Variants in NEBL observed in about 807,000 individuals in gnomAD.
The protein encoded by NEBL is nebulette, also known as LIM and SH3 protein 2.
A neutral mutation model predicts 140.2 loss-of-function variants in NEBL; 122 were observed. The observed-to-expected ratio is 0.87, with a 90% CI of 0.75 to 1.01. NEBL has a LOEUF of 1.01. Ranked by LOEUF, NEBL falls within the 50% of genes least tolerant of loss-of-function variation. The pLI, the probability that NEBL is intolerant of heterozygous loss-of-function variation, is 0.00. For missense variants in NEBL, 1,365 were observed against 1,231.3 expected, an observed-to-expected ratio of 1.11 and a Z score of -1.62; for synonymous variants, 436 against 398.9, an observed-to-expected ratio of 1.09 and a Z score of -1.11.
At chr10:20,991,336 T>G (rs893215117) in intron 3 of NEBL, among the ~76,000 whole-genome samples, 4 of 152,168 alleles carry the variant, frequency 2.6e-5, no homozygotes, top group African/African-American at 4.8e-5. Context: ...GTTCTAAAGT[T>G]TGAAAATTTT....
chr10:21,253,289 G>A (rs1353734319), intron 1 of NEBL, among the ~76,000 whole-genome samples: 6 of 152,084 alleles, frequency 3.9e-5, no homozygotes, highest in African/African-American at 1.2e-4. Context: ...ATAATAATAA[G>A]GCAGAAGCCA....
intron 3 of NEBL, among the ~76,000 whole-genome samples, chr10:21,015,883 A>T (rs988182652): frequency 6.6e-6 from 1 of 152,204 alleles, no homozygotes; most frequent in African/African-American, 2.4e-5. Context: ...CTAATTTACA[A>T]AGAGTTTGTG....
At chr10:20,828,686 G>A (rs1431690960) in intron 16 of NEBL, 52 bp from the exon 17 acceptor site, 1 of 1,209,452 alleles carries the variant, frequency 8.3e-7, no homozygotes, top group Non-Finnish European at 1.2e-6. Flanking sequence ...GTGCGCACAT[G>A]TGAGAGGGAG....
chr10:21,156,800 C>T (rs753100776), intron 2 of NEBL, among the ~76,000 whole-genome samples: 13 of 152,016 alleles, frequency 8.6e-5, no homozygotes, highest in Non-Finnish European at 1.6e-4. Context: ...AATCCTAAAT[C>T]GTAGGAATAT....
exon 3 of NEBL, chr10:21,020,163 G>A: frequency 1.9e-6 from 3 of 1,614,138 alleles, no homozygotes; most frequent in Non-Finnish European, 2.5e-6. Context: ...ATTTTCAGGT[G>A]TATCTGCCAC....
At chr10:21,271,344 GAAGT>G (rs1276843816) in intron 1 of NEBL, among the ~76,000 whole-genome samples, 1 of 152,126 alleles carries the variant, frequency 6.6e-6, no homozygotes, top group Non-Finnish European at 1.5e-5. Flanking sequence ...TGAACTCCTG[GAAGT>G]AGAGAGTAGA....
chr10:20,899,910 C>G (rs1588977998), upstream of NEBL, among the ~76,000 whole-genome samples: 2 of 152,006 alleles, frequency 1.3e-5, no homozygotes, highest in Non-Finnish European at 2.9e-5. Context: ...ATCTTTTTTC[C>G]TCTCACCTAT....
chr10:21,260,496 A>C lies in NEBL; in HGVS notation n.183-8668T>G, dbSNP rs545237083. ...TCTTTTTGCCTTGCCTTTAAAATAG[A>C]TCTGCTCTAGGATGCTGAGTTATAA... On this transcript the variant is annotated intron_variant and non_coding_transcript_variant, in intron 1 of 8. Transcript: ENST00000675702. Among the ~76,000 whole-genome samples the C allele has an allele frequency of 2.0e-5, 3 of 152,308 alleles. No homozygotes were observed. The East Asian group carries it at 5.8e-4, about 29-fold the overall frequency.
intron 3 of NEBL, among the ~76,000 whole-genome samples, chr10:21,211,120 G>A (rs993757417): frequency 3.9e-5 from 6 of 152,116 alleles, no homozygotes; most frequent in South Asian, 4.1e-4. Context: ...ACTAAGTCTC[G>A]ATTTGATCAT....
chr10:20,995,131 G>A (rs1254478819), intron 3 of NEBL, among the ~76,000 whole-genome samples: 2 of 152,210 alleles, frequency 1.3e-5, no homozygotes, highest in Non-Finnish European at 2.9e-5. Flanking sequence ...AAGTCTGAAC[G>A]TCAGGACAGG....
At chr10:20,803,774 C>A (rs901939845) in intron 26 of NEBL, among the ~76,000 whole-genome samples, 1 of 148,882 alleles carries the variant, frequency 6.7e-6, no homozygotes, top group South Asian at 2.1e-4. Flanking sequence ...TTCAAAGCCA[C>A]TGAGAAATCA....
chr10:21,006,037 C>T (rs1376202205), intron 3 of NEBL, among the ~76,000 whole-genome samples: 2 of 152,120 alleles, frequency 1.3e-5, no homozygotes, highest in Non-Finnish European at 2.9e-5. Flanking sequence ...GTCATCTCTA[C>T]GCTTTTCTAC....
chr10:20,900,053 T>C (rs184082341), upstream of NEBL, among the ~76,000 whole-genome samples: 192 of 152,338 alleles, frequency 1.3e-3, 1 homozygote, highest in Non-Finnish European at 2.3e-3. Context: ...TGGACAGCTA[T>C]CATGTTTCAA....
chr10:21,000,181 G>A lies in NEBL; in HGVS notation c.249+19936C>T, dbSNP rs545939030. ...CAGAGGGGGGCAGAGAGGGGGCAGA[G>A]GGGGATAGAGGGGGAATAGAGGGGG... is the stretch of plus-strand genomic sequence containing the variant. On this transcript the variant is annotated intron_variant, in intron 3 of 6. Transcript: ENST00000417816. 1.6e-3 allele frequency among the ~76,000 whole-genome samples: 193 copies of A among 119,414 alleles called. 2 individuals are homozygous for A. The highest frequency in any genetic ancestry group is 0.011 in the Middle Eastern group (2 of 190). 78.3% of individuals were successfully genotyped at this position (119,414 alleles called of 152,430 possible).
chr10:20,807,544 G>A (rs1347577247), intron 26 of NEBL, among the ~76,000 whole-genome samples: 3 of 152,110 alleles, frequency 2.0e-5, no homozygotes, highest in Admixed American at 6.5e-5. Context: ...ATTCCCATTA[G>A]TGTTTCACTG....
chr10:20,954,405 A>T (rs1372429092), intron 4 of NEBL, among the ~76,000 whole-genome samples: 1 of 152,216 alleles, frequency 6.6e-6, no homozygotes, highest in East Asian at 1.9e-4. Context: ...ATTTCTTCAT[A>T]GAGTTCAGTC....
At chr10:20,861,935 G>T (rs1190178884) in intron 7 of NEBL, among the ~76,000 whole-genome samples, 1 of 152,160 alleles carries the variant, frequency 6.6e-6, no homozygotes, top group East Asian at 1.9e-4. Context: ...AAACATCACA[G>T]CTTCGCCTGG....
At chr10:21,166,117 G>A (rs1344944715) in intron 2 of NEBL, among the ~76,000 whole-genome samples, 1 of 151,094 alleles carries the variant, frequency 6.6e-6, no homozygotes, top group Non-Finnish European at 1.5e-5. Context: ...CTACTCCGGA[G>A]GCTGAGGCAG....
chr10:20,870,919 T>C (rs1025704682), intron 5 of NEBL, among the ~76,000 whole-genome samples: 3 of 152,220 alleles, frequency 2.0e-5, no homozygotes, highest in Non-Finnish European at 4.4e-5. Flanking sequence ...AAAATTGAAC[T>C]GGCATAATGT....
Sources: allele counts gnomAD v4.1 joint callset (sites outside exome capture counted in the v4.1 genomes callset), GRCh38; gene constraint gnomAD v4.1.1; transcripts MANE v1.5; gene names NCBI Gene and HGNC (gene_info 2026-07-23, HGNC 2026-07-21).